Variants in SLC26A4 observed in about 807,000 individuals in gnomAD.
The protein encoded by SLC26A4 is solute carrier family 26 member 4, also known as pendrin.
In SLC26A4, 93 loss-of-function variants were observed where a neutral mutation model predicts 90.4. That is an observed-to-expected ratio of 1.03 (90% CI 0.87 to 1.22). The LOEUF is 1.22. SLC26A4 is among the 50% of genes most tolerant of loss of function. The pLI is 0.00. For missense variants in SLC26A4, 1,127 were observed against 946.2 expected, an observed-to-expected ratio of 1.19 and a Z score of -2.51; for synonymous variants, 393 against 354.6, an observed-to-expected ratio of 1.11 and a Z score of -1.22.
chr7:107,670,743 A>G (rs181885702), intron 3 of SLC26A4, among the ~76,000 whole-genome samples: 13 of 152,316 alleles, frequency 8.5e-5, no homozygotes, highest in Admixed American at 7.2e-4. Context: ...TAATGACTCA[A>G]GAGTGAAAAG....
intron 18 of SLC26A4, 125 bp from the exon 19 acceptor site, chr7:107,709,929 G>A (rs1792134310): frequency 4.1e-6 from 3 of 738,034 alleles, no homozygotes; most frequent in African/African-American, 1.7e-5. Flanking sequence ...TTGGGACGCG[G>A]AGGTTGCAGT....
intron 8 of SLC26A4, among the ~76,000 whole-genome samples, chr7:107,688,324 C>A (rs1334674249): frequency 6.6e-6 from 1 of 152,016 alleles, no homozygotes; most frequent in African/African-American, 2.4e-5. Context: ...TGGCTGGGGG[C>A]CTCTGGAATT....
rs572122334 is a variant in SLC26A4 at position 107,717,334 on chromosome 7, C to G, written c.*1888C>G. On this transcript the variant is annotated 3_prime_UTR_variant, in exon 21 of 21. Transcript: ENST00000644269. ...TGAGCCGAGGTCGTGCCACTGCACT[C>G]CAGCCTGGGCGACAGAGCAAGACTC... 30 of 142,138 alleles carry G rather than the reference C, an allele frequency of 2.1e-4. No homozygotes were observed. Among genetic ancestry groups the G allele is most frequent in the African/African-American group, 7.3e-4 (28 of 38,174 alleles). 8.8% of individuals were successfully genotyped at this position (142,138 alleles called of 1,614,324 possible).
At chr7:107,701,348 TAGG>T (rs1791880283) in intron 16 of SLC26A4, 152 bp downstream of exon 16, 1 of 662,162 alleles carries the variant, frequency 1.5e-6, no homozygotes, top group Non-Finnish European at 2.8e-6. Flanking sequence ...GCTATTCTTA[TAGG>T]CAAGCGGGAG....
At chr7:107,689,946 G>A (rs1791520658) in intron 9 of SLC26A4, among the ~76,000 whole-genome samples, 178 bp from the exon 10 acceptor site, 1 of 152,258 alleles carries the variant, frequency 6.6e-6, no homozygotes, top group Non-Finnish European at 1.5e-5. Context: ...ATGGTATGGC[G>A]TCCAAACTCC....
In SLC26A4 at chr7:107,661,429, G is replaced by A. The variant is rs541909258; in HGVS notation, c.-3-210G>A. ...CGGGTGCAGGCCACGAGACCCGAAG[G>A]TTCTCAGGTGCCCCCCTGCAGGCTG... On this transcript the variant is annotated intron_variant, in intron 1 of 20. Transcript: ENST00000644269. The surrounding 1 kb of genome is among the most constrained non-coding windows in gnomAD (Gnocchi z 5.1). The A allele has an allele frequency of 6.5e-6, 4 of 616,978 alleles. No homozygotes were observed. The highest frequency in any genetic ancestry group is 5.5e-5 in the African/African-American group (3 of 54,490). The allele number at this position is 616,978 out of a possible 1,614,324, so 38.2% of individuals were successfully genotyped here. A position where few individuals can be genotyped will look rare whatever the true frequency, so the allele number is the denominator to read the frequency against.
chr7:107,705,031 A>G (rs1792003420), intron 18 of SLC26A4, among the ~76,000 whole-genome samples: 2 of 152,148 alleles, frequency 1.3e-5, no homozygotes, highest in East Asian at 3.9e-4. Flanking sequence ...CAGGATGGGC[A>G]CAGCTGCTTG....
intron 4 of SLC26A4, among the ~76,000 whole-genome samples, chr7:107,673,268 C>T (rs562268860): frequency 7.0e-4 from 106 of 151,810 alleles, no homozygotes; most frequent in African/African-American, 2.0e-3. Flanking sequence ...CAGTAGTGAA[C>T]GGAGCAATTG....
intron 15 of SLC26A4, among the ~76,000 whole-genome samples, chr7:107,700,653 G>A (rs1321755200): frequency 1.3e-5 from 2 of 152,196 alleles, no homozygotes; most frequent in Non-Finnish European, 2.9e-5. Context: ...GAATAAATAA[G>A]TAGAAAATCC....
rs763221035 is a variant in SLC26A4, at chr7:107,675,028, C to G, written c.684C>G (p.Ala228=). 11 of 1,613,900 alleles carry G rather than the reference C, an allele frequency of 6.8e-6. No individual in the cohort carries two copies. The highest frequency in any genetic ancestry group is 1.6e-4 in the Middle Eastern group (1 of 6,082). The change falls in exon 6 of 21, where the codon GCC becomes GCG. Residue 228 remains alanine, a synonymous_variant. Coordinates refer to ENST00000644269, the MANE Select transcript of SLC26A4 (RefSeq NM_000441.2). ...TTGGTGGCTTCACAACAGCTGCTGC[C>G]TTCCAAGTGCTGGTCTCACAGCTAA... ...PLVGGFTTAA[A]FQVLVSQLKI...
intron 9 of SLC26A4, 86 bp from the exon 10 acceptor site, chr7:107,690,038 A>G: frequency 1.2e-6 from 1 of 855,956 alleles, no homozygotes; most frequent in Non-Finnish European, 2.0e-6. Flanking sequence ...GGGAGTTTTC[A>G]TTCTTAATGT....
intron 5 of SLC26A4, 84 bp downstream of exon 5, chr7:107,674,432 T>C (rs1239163038): frequency 4.4e-6 from 5 of 1,124,730 alleles, no homozygotes; most frequent in Non-Finnish European, 6.6e-6. Context: ...AAGATTCTAC[T>C]AAAAACAAAA....
chr7:107,695,893 ACATTAATATAATTCTTTT>A, intron 12 of SLC26A4, 22 bp from the exon 13 acceptor site: 2 of 922,956 alleles, frequency 2.2e-6, no homozygotes, highest in Non-Finnish European at 3.6e-6. Flanking sequence ...GGTACCTGAT[ACATTAATATAATTCTTTT>A]CATTTCTATT....
intron 12 of SLC26A4, 149 bp from the exon 13 acceptor site, chr7:107,695,784 G>A (rs1791721481): frequency 1.6e-6 from 1 of 630,366 alleles, no homozygotes; most frequent in African/African-American, 1.8e-5. Flanking sequence ...CTGCACTCCA[G>A]CCTGGGCAAT....
chr7:107,696,090 G>A lies in SLC26A4; in HGVS notation c.1544+51G>A, dbSNP rs372156741. The stretch of plus-strand genomic sequence containing the variant: ...CTATAAACAGAACAACACACTCTGA[G>A]CTTCCTTATACCATTTTGATAAATA... On this transcript the variant is annotated intron_variant, in intron 13 of 20. Coordinates refer to ENST00000644269, the MANE Select transcript of SLC26A4 (RefSeq NM_000441.2). The A allele has an allele frequency of 3.5e-5, 35 of 992,878 alleles. No homozygotes were observed. The African/African-American group carries it at 5.1e-4, about 14-fold the overall frequency. 61.5% of individuals were successfully genotyped at this position (992,878 alleles called of 1,614,324 possible).
rs890490651 is a variant in SLC26A4, at chr7:107,712,440, A to G, written c.2236-99A>G. On this transcript the variant is annotated intron_variant, in intron 19 of 20. Coordinates refer to ENST00000644269, the MANE Select transcript of SLC26A4 (RefSeq NM_000441.2). ...CTGAAGAGGATTCTGAAGTATGTAA[A>G]GACAGATGAGAAGCACCAGGAAAGC... is the stretch of plus-strand genomic sequence containing the variant. 8 of 756,712 alleles carry G rather than the reference A, an allele frequency of 1.1e-5. No homozygotes were observed. In the African/African-American group the frequency reaches 1.2e-4, roughly 11 times the overall value. The allele number at this position is 756,712 out of a possible 1,614,324, so 46.9% of individuals were successfully genotyped here.
intron 8 of SLC26A4, among the ~76,000 whole-genome samples, chr7:107,685,062 T>C (rs954013466): frequency 2.0e-5 from 3 of 152,142 alleles, no homozygotes; most frequent in Non-Finnish European, 4.4e-5. Flanking sequence ...CTGAATCCTT[T>C]GACAGACCAC....
chr7:107,679,435 C>T (rs965035865), intron 6 of SLC26A4, among the ~76,000 whole-genome samples: 3 of 152,044 alleles, frequency 2.0e-5, no homozygotes, highest in Non-Finnish European at 2.9e-5. Context: ...TTGTGATATT[C>T]GTAGAGATAA....
At chr7:107,709,912 C>A in intron 18 of SLC26A4, 142 bp from the exon 19 acceptor site, 2 of 672,364 alleles carry the variant, frequency 3.0e-6, no homozygotes, top group Non-Finnish European at 5.3e-6. Flanking sequence ...GGGGGGATCA[C>A]TTGAACTTGG....
Sources: allele counts gnomAD v4.1 joint callset (sites outside exome capture counted in the v4.1 genomes callset), GRCh38; gene constraint gnomAD v4.1.1; non-coding constraint Gnocchi (gnomAD v3.1); transcripts MANE v1.5; gene names NCBI Gene and HGNC (gene_info 2026-07-23, HGNC 2026-07-21).